Variants in E2F7 observed in about 807,000 individuals in gnomAD.
E2F7 encodes E2F transcription factor 7, also known as transcription factor E2F7.
A neutral mutation model predicts 81.1 loss-of-function variants in E2F7; 35 were observed. The ratio of observed to expected loss-of-function variants is 0.43; its 90% confidence interval spans 0.33 to 0.57. The LOEUF is 0.57. E2F7 is among the 20% of genes least tolerant of loss of function. E2F7 has a pLI of 0.04. For synonymous variants in E2F7, 416 were observed against 416.2 expected, an observed-to-expected ratio of 1.00 and a Z score of 0.01; for missense variants, 961 against 1,093.7, an observed-to-expected ratio of 0.88 and a Z score of 1.71.
chr12:77,035,989 G>GCACAGC (rs1555199876), intron 7 of E2F7, among the ~76,000 whole-genome samples: 1 of 150,978 alleles, frequency 6.6e-6, no homozygotes, highest in African/African-American at 2.4e-5. Context: ...ATGAATAAAT[G>GCACAGC]AATAAATAAA....
Position 77,022,840 on chromosome 12 carries a change from T to C in E2F7, c.*1175A>G, listed in dbSNP as rs1954724538. On this transcript the variant is annotated 3_prime_UTR_variant, in exon 13 of 13. Coordinates refer to ENST00000322886, the MANE Select transcript of E2F7 (RefSeq NM_203394.3). ...ATAACAGTTTCCAGAATTGTATTCA[T>C]GCTAGAACAACCAACCCGTGCGCTC... The C allele has an allele frequency of 6.6e-6, 1 of 152,240 alleles. No homozygotes were observed. The highest frequency in any genetic ancestry group is 1.5e-5 in the Non-Finnish European group (1 of 68,044). 9.4% of individuals were successfully genotyped at this position (152,240 alleles called of 1,614,324 possible).
chr12:77,024,244 A>G, intron 12 of E2F7, 59 bp from the exon 13 acceptor site: 3 of 1,543,272 alleles, frequency 1.9e-6, no homozygotes, highest in Non-Finnish European at 2.6e-6. Context: ...ATCTCTGAGT[A>G]GAAAGGCAGC....
Position 77,039,740 on chromosome 12 carries a change from C to T in E2F7, c.1123+3325G>A, listed in dbSNP as rs115732489. Among the ~76,000 whole-genome samples the T allele has an allele frequency of 3.0e-3, 462 of 152,292 alleles. 2 individuals carry two copies. The highest frequency in any genetic ancestry group is 0.011 in the African/African-American group (441 of 41,562). On this transcript the variant is annotated intron_variant, in intron 7 of 12. Coordinates refer to ENST00000322886, the MANE Select transcript of E2F7 (RefSeq NM_203394.3). ...AAAATGTTATAACTGCTTTGGAAAA[C>T]AGTTTGGAAGTTTCTCAAAAATTTC...
At chr12:77,031,363 A>C (rs2120639208) in intron 9 of E2F7, among the ~76,000 whole-genome samples, 1 of 152,376 alleles carries the variant, frequency 6.6e-6, no homozygotes, top group East Asian at 1.9e-4. Flanking sequence ...ACAGAGGGCC[A>C]GGCGTGGTGG....
chr12:77,050,723 C>T lies in E2F7; in HGVS notation c.391G>A (p.Ala131Thr), dbSNP rs1954979562. ...SLQLDVVGDS[A>T]VDEFEKQRPS... ...CTTTGCTTTTCAAATTCGTCCACAGCACTGTCCCCAACAACATCAAGCTAC... is the reference window on the plus strand; with the variant it reads ...CTTTGCTTTTCAAATTCGTCCACAGTACTGTCCCCAACAACATCAAGCTAC... Residue 131 changes from alanine (A) to threonine (T), a missense_variant, in exon 4 of 13, where the codon GCT becomes ACT. Ala to Thr is a moderately conservative substitution (Grantham distance 58). Transcript: ENST00000322886. 2 of 1,613,706 alleles carry T rather than the reference C, an allele frequency of 1.2e-6. No individual in the cohort carries two copies. The highest frequency in any genetic ancestry group is 8.5e-7 in the Non-Finnish European group (1 of 1,179,880).
In E2F7 at chr12:77,029,730, T is replaced by C. The variant is rs1162953001; in HGVS notation, c.1884+101A>G. 8.6e-6 allele frequency: 13 copies of C among 1,519,118 alleles called. No individual in the cohort carries two copies. The Admixed American group carries it at 2.1e-4, about 24-fold the overall frequency. 94.1% of individuals were successfully genotyped at this position (1,519,118 alleles called of 1,614,324 possible). A position where few individuals can be genotyped will look rare whatever the true frequency, so the allele number is the denominator to read the frequency against. ...ATGCAAGTGACATGAAACAGCTCCA[T>C]ATTCCAGACTCCATTGCTTATTAAT... On this transcript the variant is annotated intron_variant, in intron 10 of 12. Coordinates refer to ENST00000322886, the MANE Select transcript of E2F7 (RefSeq NM_203394.3).
chr12:77,029,883 T>G lies in E2F7; in HGVS notation c.1832A>C (p.Lys611Thr). 6.2e-7 allele frequency: 1 copy of G among 1,614,252 alleles called. No individual in the cohort carries two copies. Among genetic ancestry groups the G allele is most frequent in the Non-Finnish European group, 8.5e-7 (1 of 1,180,042 alleles). Residue 611 changes from lysine (K) to threonine (T), a missense_variant, in exon 10 of 13, where the codon AAA becomes ACA. Coordinates refer to ENST00000322886, the MANE Select transcript of E2F7 (RefSeq NM_203394.3). ...KPQEEDEPAT[K>T]RQSREYEDGP... ...GTCTTCATATTCCCTACTTTGCCTTTTAGTGGCTGGCTCATCCTCCTCCTG... is the reference window on the plus strand; with the variant it reads ...GTCTTCATATTCCCTACTTTGCCTTGTAGTGGCTGGCTCATCCTCCTCCTG...
At chr12:77,036,472 C>A (rs1006983094) in intron 7 of E2F7, among the ~76,000 whole-genome samples, 3 of 151,996 alleles carry the variant, frequency 2.0e-5, no homozygotes, top group Middle Eastern at 6.8e-3. Flanking sequence ...TTGCAGTGAG[C>A]CATGATCATG....
Position 77,034,192 on chromosome 12 carries a change from C to G in E2F7, c.1124-150G>C, listed in dbSNP as rs543449537. The stretch of plus-strand genomic sequence containing the variant: ...AAGACAATCAAAGGAATTTTATGAG[C>G]CTTGTCTCAAACCCCAATTTCTTTC... On this transcript the variant is annotated intron_variant, in intron 7 of 12. Transcript: ENST00000322886. The G allele has an allele frequency of 1.1e-5, 7 of 625,610 alleles. No individual in the cohort carries two copies. The East Asian group carries it at 1.9e-4, about 17-fold the overall frequency. 38.8% of individuals were successfully genotyped at this position (625,610 alleles called of 1,614,324 possible). A position where few individuals can be genotyped will look rare whatever the true frequency, so the allele number is the denominator to read the frequency against.
In E2F7 at chr12:77,060,971, CT is replaced by C. The variant is rs200632890; in HGVS notation, c.93+3571del. On this transcript the variant is annotated intron_variant, in intron 2 of 12. Transcript: ENST00000322886. ...GCAGCAGTTAAGACTGTTGACTATT[CT>C]TTGTTCTATAGAACTCTCAGCCCTT... Among the ~76,000 whole-genome samples, 227 of 152,234 alleles carry C rather than the reference CT, an allele frequency of 1.5e-3. 6 individuals are homozygous for C. The East Asian group carries it at 0.033, about 22-fold the overall frequency.
At chr12:77,041,761 C>T (rs745401526) in intron 7 of E2F7, among the ~76,000 whole-genome samples, 2 of 152,176 alleles carry the variant, frequency 1.3e-5, no homozygotes, top group African/African-American at 2.4e-5. Flanking sequence ...AGTACCACCC[C>T]GTCTAGCATG....
At chr12:77,061,210 C>A (rs1955076123) in intron 2 of E2F7, among the ~76,000 whole-genome samples, 2 of 152,210 alleles carry the variant, frequency 1.3e-5, no homozygotes, top group Non-Finnish European at 1.5e-5. Context: ...TGATTACGAC[C>A]TTTCATGAAT....
intron 2 of E2F7, 57 bp from the exon 3 acceptor site, chr12:77,056,187 G>C: frequency 6.7e-7 from 1 of 1,487,912 alleles, no homozygotes; most frequent in Non-Finnish European, 9.0e-7. Flanking sequence ...TCAGCTAAGA[G>C]TATACTTTGT....
At chr12:77,044,824 A>G (rs553445427) in intron 5 of E2F7, 29 bp from the exon 6 acceptor site, 1 of 1,608,168 alleles carries the variant, frequency 6.2e-7, no homozygotes, top group East Asian at 2.2e-5. Context: ...AAAAGCATCA[A>G]AGTATATGAT....
intron 7 of E2F7, among the ~76,000 whole-genome samples, chr12:77,042,357 G>T (rs1240601752): frequency 6.6e-6 from 1 of 152,164 alleles, no homozygotes; most frequent in Non-Finnish European, 1.5e-5. Flanking sequence ...GGGTTAAGTG[G>T]CTCACATTTA....
Position 77,022,377 on chromosome 12 carries a change from A to C in E2F7, c.*1638T>G, listed in dbSNP as rs1954719899. ...ACTTTAAAAGTTTAGTGTTGATAAA[A>C]ATTTTTATATAAGTAGCAAATTTAT... is the stretch of plus-strand genomic sequence containing the variant. On this transcript the variant is annotated 3_prime_UTR_variant, in exon 13 of 13. Coordinates refer to ENST00000322886, the MANE Select transcript of E2F7 (RefSeq NM_203394.3). The C allele has an allele frequency of 6.6e-6, 1 of 152,446 alleles. No homozygotes were observed. Among genetic ancestry groups the C allele is most frequent in the Non-Finnish European group, 1.5e-5 (1 of 67,972 alleles). 9.4% of individuals were successfully genotyped at this position (152,446 alleles called of 1,614,324 possible).
In E2F7 at chr12:77,046,080, C is replaced by G; in HGVS notation, c.787G>C (p.Glu263Gln). 1 of 1,614,156 alleles carries G rather than the reference C, an allele frequency of 6.2e-7. No homozygotes were observed. The highest frequency in any genetic ancestry group is 8.5e-7 in the Non-Finnish European group (1 of 1,180,036). ...TCAGAGAAATCCAGTAACTGTTGTT[C>G]CTGGGAATCTGGATCACCATCTTTT... The part of the protein sequence containing the change: ...RKKDGDPDSQ[E>Q]QQLLDFSEPD... Residue 263 changes from glutamate (E) to glutamine (Q), a missense_variant, in exon 5 of 13, where the codon GAA becomes CAA. Glu to Gln is a conservative substitution (Grantham distance 29). Transcript: ENST00000322886.
At chr12:77,046,970 G>A (rs1868355) in intron 4 of E2F7, among the ~76,000 whole-genome samples, 51,691 of 152,066 alleles carry the variant, frequency 0.34, 9,112 homozygotes, top group African/African-American at 0.43. Flanking sequence ...AGCTGGGGTT[G>A]GAACAACATG....
chr12:77,049,706 T>G (rs891717069), intron 4 of E2F7, among the ~76,000 whole-genome samples: 9 of 152,290 alleles, frequency 5.9e-5, no homozygotes, highest in Admixed American at 5.2e-4. Context: ...GCTTGAATAA[T>G]TCAAGTAGAC....
Sources: allele counts gnomAD v4.1 joint callset (sites outside exome capture counted in the v4.1 genomes callset), GRCh38; gene constraint gnomAD v4.1.1; transcripts MANE v1.5; gene names NCBI Gene and HGNC (gene_info 2026-07-23, HGNC 2026-07-21).